The following TMEM63C variants were observed in gnomAD, a reference collection of about 807,000 sequenced individuals.
The protein encoded by TMEM63C is transmembrane protein 63C, also known as osmosensitive cation channel TMEM63C.
A neutral mutation model predicts 99.2 loss-of-function variants in TMEM63C; 32 were observed. The ratio of observed to expected loss-of-function variants is 0.32; its 90% CI spans 0.24 to 0.43. The LOEUF is 0.43. TMEM63C is among the 20% of genes least tolerant of loss of function. The pLI is 1.00. For synonymous variants in TMEM63C, 376 were observed against 397.9 expected, an observed-to-expected ratio of 0.94 and a Z score of 0.66; for missense variants, 826 against 1,053.0, an observed-to-expected ratio of 0.78 and a Z score of 2.98.
chr14:77,223,017 G>T (rs28505186), intron 5 of TMEM63C, among the ~76,000 whole-genome samples: 8,818 of 152,186 alleles, frequency 0.058, 606 homozygotes, highest in African/African-American at 0.16. Flanking sequence ...AGTAAGCGGA[G>T]CCAAATTCCT....
chr14:77,246,238 C>G (rs1889266763), intron 17 of TMEM63C, among the ~76,000 whole-genome samples: 1 of 152,214 alleles, frequency 6.6e-6, no homozygotes, highest in African/African-American at 2.4e-5. Flanking sequence ...TATCATCTGG[C>G]TGGGGACACA....
Position 77,245,986 on chromosome 14 carries a change from G to T in TMEM63C, c.1495G>T (p.Val499Leu). 6.2e-7 allele frequency: 1 copy of T among 1,613,974 alleles called. No individual in the cohort carries two copies. Among genetic ancestry groups the T allele is most frequent in the Non-Finnish European group, 8.5e-7 (1 of 1,179,870 alleles). Residue 499 changes from valine to leucine, a missense_variant, in exon 17 of 24, where the codon GTG becomes TTG. Transcript: ENST00000298351. Reference sequence around the variant, plus strand: ...GGTGCACAAGTGCTACATCTTTCTGGTGTTCATGGTAGTCATTCTGCCCTC... The same window carrying T: ...GGTGCACAAGTGCTACATCTTTCTGTTGTTCATGGTAGTCATTCTGCCCTC... ...VMVHKCYIFL[V>L]FMVVILPSMG...
intron 5 of TMEM63C, among the ~76,000 whole-genome samples, chr14:77,222,277 C>T (rs759082608): frequency 2.6e-5 from 4 of 152,160 alleles, no homozygotes; most frequent in Non-Finnish European, 4.4e-5. Context: ...TCTCCTCTCC[C>T]TCTTACCCAG....
At chr14:77,252,766 C>T (rs1889390969) in intron 22 of TMEM63C, among the ~76,000 whole-genome samples, 1 of 152,224 alleles carries the variant, frequency 6.6e-6, no homozygotes, top group Non-Finnish European at 1.5e-5. Flanking sequence ...GGGCTCTGGG[C>T]ACAGGTGCCC....
At chr14:77,206,833 A>G (rs1430347493) in intron 1 of TMEM63C, among the ~76,000 whole-genome samples, 1 of 152,266 alleles carries the variant, frequency 6.6e-6, no homozygotes, top group Non-Finnish European at 1.5e-5. Context: ...TTTCAAACTC[A>G]GAAAAAAATG....
At chr14:77,221,467 T>C (rs1242438898) in intron 5 of TMEM63C, among the ~76,000 whole-genome samples, 4 of 11,706 alleles carry the variant, frequency 3.4e-4, no homozygotes, top group East Asian at 5.2e-3. Flanking sequence ...CCCCTCCCAC[T>C]CACGCCTCCC....
At chr14:77,232,055 G>A (rs1430721506) in intron 7 of TMEM63C, among the ~76,000 whole-genome samples, 2 of 152,164 alleles carry the variant, frequency 1.3e-5, no homozygotes, top group African/African-American at 2.4e-5. Flanking sequence ...CCACTGCAAA[G>A]ATCCCTGAAC....
rs767037327 is a variant in TMEM63C at position 77,240,620 on chromosome 14, G to A, written c.1064+12G>A. Reference sequence around the variant, plus strand: ...AGGATGGCCAAGCGGTGAGCACCAGGCAGGCGCCCCACCCAGCCCCAAGCA... The same window carrying A: ...AGGATGGCCAAGCGGTGAGCACCAGACAGGCGCCCCACCCAGCCCCAAGCA... On this transcript the variant is annotated intron_variant, in intron 13 of 23. Transcript: ENST00000298351. The A allele has an allele frequency of 2.5e-6, 4 of 1,606,088 alleles. No homozygotes were observed. In the East Asian group the frequency reaches 8.9e-5, roughly 36 times the overall value.
Position 77,244,451 on chromosome 14 carries a change from A to T in TMEM63C, c.1444A>T (p.Thr482Ser). 1 of 1,612,806 alleles carries T rather than the reference A, an allele frequency of 6.2e-7. No individual in the cohort carries two copies. Reference sequence around the variant, plus strand: ...CTCCGCCTTCCTCGAGGCCCACTGGACCAGGTGACCTGGGGGCCTCCTCTC... The same window carrying T: ...CTCCGCCTTCCTCGAGGCCCACTGGTCCAGGTGACCTGGGGGCCTCCTCTC... ...YFSAFLEAHW[T>S]RSSQNLVMVH... The change falls in exon 16 of 24, where the codon ACC becomes TCC. Residue 482 changes from threonine to serine, a missense_variant. Transcript: ENST00000298351.
At chr14:77,187,523 CTTCT>C (rs1888023491) in intron 1 of TMEM63C, among the ~76,000 whole-genome samples, 1 of 152,226 alleles carries the variant, frequency 6.6e-6, no homozygotes, top group African/African-American at 2.4e-5. Flanking sequence ...CATGGAGGGG[CTTCT>C]TGGGGCCCTG....
chr14:77,236,612 C>T lies in TMEM63C; in HGVS notation c.543-12C>T, dbSNP rs1214432867. The T allele has an allele frequency of 6.3e-7, 1 of 1,596,112 alleles. No homozygotes were observed. The highest frequency in any genetic ancestry group is 1.7e-4 in the Middle Eastern group (1 of 5,872). On this transcript the variant is annotated splice_polypyrimidine_tract_variant and intron_variant, in intron 8 of 23. Transcript: ENST00000298351. Reference sequence around the variant, plus strand: ...CAGGCTGACCTCACTGCTGCTGCCTCCCTCCCTGCAGGAGCAAGCTCCTGT... The same window carrying T: ...CAGGCTGACCTCACTGCTGCTGCCTTCCTCCCTGCAGGAGCAAGCTCCTGT...
intron 1 of TMEM63C, among the ~76,000 whole-genome samples, chr14:77,185,085 G>C (rs574069327): frequency 2.6e-5 from 4 of 152,354 alleles, no homozygotes; most frequent in South Asian, 4.1e-4. Flanking sequence ...GTAGTCATTA[G>C]TAATGCTCCC....
chr14:77,238,622 C>T, intron 9 of TMEM63C, 72 bp from the exon 10 acceptor site: 1 of 1,295,912 alleles, frequency 7.7e-7, no homozygotes, highest in Non-Finnish European at 1.1e-6. Flanking sequence ...TCTGAGCCAC[C>T]AAAAGACTGA....
At chr14:77,191,625 ACC>A (rs1255419969) in intron 1 of TMEM63C, among the ~76,000 whole-genome samples, 2 of 137,920 alleles carry the variant, frequency 1.5e-5, no homozygotes, top group Non-Finnish European at 3.0e-5. Flanking sequence ...GCTCACCACA[ACC>A]TCCACCTCCT....
chr14:77,249,308 A>G lies in TMEM63C; in HGVS notation c.1888A>G (p.Met630Val). 1.2e-6 allele frequency: 2 copies of G among 1,614,022 alleles called. No individual in the cohort carries two copies. Among genetic ancestry groups the G allele is most frequent in the Non-Finnish European group, 1.7e-6 (2 of 1,179,880 alleles). The change falls in exon 21 of 24, where the codon ATG (methionine) becomes GTG (valine). Residue 630 changes from methionine (M) to valine (V), a missense_variant. Coordinates refer to ENST00000298351, the MANE Select transcript of TMEM63C (RefSeq NM_020431.4). ...TCCCCCAGGGTTGCTCTACCTGTGC[A>G]TGAAGCACTTGACGGATCGCTATAA... ...IVPFGLLYLCMKHLTDRYNMY... is the reference protein window; with the variant it reads ...IVPFGLLYLCVKHLTDRYNMY...
intron 1 of TMEM63C, among the ~76,000 whole-genome samples, chr14:77,186,171 C>G (rs554154323): frequency 6.6e-6 from 1 of 152,054 alleles, no homozygotes; most frequent in South Asian, 2.1e-4. Context: ...GCCAACACGT[C>G]GGCTAATTTC....
chr14:77,242,771 C>T, intron 14 of TMEM63C, 132 bp from the exon 15 acceptor site: 1 of 1,076,774 alleles, frequency 9.3e-7, no homozygotes, highest in Non-Finnish European at 1.4e-6. Flanking sequence ...GGTCCTGTTG[C>T]ATGCAAGTCT....
chr14:77,243,170 C>T (rs576992547), intron 15 of TMEM63C, 114 bp downstream of exon 15: 139 of 1,271,344 alleles, frequency 1.1e-4, no homozygotes, highest in Non-Finnish European at 1.4e-4. Flanking sequence ...CCATACAGTG[C>T]GAACATTGTG....
intron 6 of TMEM63C, 104 bp downstream of exon 6, chr14:77,225,565 G>C: frequency 8.3e-7 from 1 of 1,199,136 alleles, no homozygotes; most frequent in Non-Finnish European, 1.2e-6. Flanking sequence ...GACAGGGCCT[G>C]AGCTCCGTAT....
Sources: gnomAD v4.1 joint callset for allele counts (sites outside exome capture counted in the v4.1 genomes callset) on GRCh38, gnomAD v4.1.1 for gene constraint, MANE v1.5 for transcripts, NCBI Gene and HGNC (gene_info 2026-07-23, HGNC 2026-07-21) for gene names.